SEPTIN6: variants seen among roughly 807,000 people sequenced by gnomAD.
The protein encoded by SEPTIN6 is septin 6.
Under a neutral mutation model 33.6 loss-of-function variants are expected in SEPTIN6, and 8 were observed. The ratio of observed to expected loss-of-function variants is 0.24; its 90% CI spans 0.14 to 0.43. The LOEUF (loss-of-function observed/expected upper bound fraction) is 0.43. SEPTIN6 is among the 20% of genes least tolerant of loss of function. SEPTIN6 has a pLI of 1.00. For synonymous variants in SEPTIN6, 131 were observed against 140.0 expected, an observed-to-expected ratio of 0.94 and a Z score of 0.45; for missense variants, 250 against 340.8, an observed-to-expected ratio of 0.73 and a Z score of 2.10.
At chrX:119,616,816 G>A, downstream of SEPTIN6, 1 of 1,072,811 alleles carries the variant, frequency 9.3e-7, no homozygotes, top group Non-Finnish European at 1.3e-6. Flanking sequence ...TAAGACAGGG[G>A]GAGGGGAATG....
intron 1 of SEPTIN6, among the ~76,000 whole-genome samples, chrX:119,679,904 C>A (rs2054919560): frequency 9.0e-6 from 1 of 111,102 alleles, no homozygotes; most frequent in African/African-American, 3.3e-5. Context: ...AAGGGATGAG[C>A]CTCAAGGAGT....
Position 119,617,990 on chromosome X carries a change from C to G in SEPTIN6, c.*2103G>C. ...GTTTGTAATGCAAATAATTACCGGG[C>G]GGCGGTGTGGGGAAGTGGTGGTTAC... On this transcript the variant is annotated 3_prime_UTR_variant, in exon 11 of 11. Transcript: ENST00000394610. 1.2e-6 allele frequency: 1 copy of G among 802,873 alleles called. No individual in the cohort carries two copies. The highest frequency in any genetic ancestry group is 1.5e-6 in the Non-Finnish European group (1 of 669,482). 66.2% of individuals were successfully genotyped at this position (802,873 alleles called of 1,213,427 possible). A position where few individuals can be genotyped will look rare whatever the true frequency, so the allele number is the denominator to read the frequency against.
intron 8 of SEPTIN6, among the ~76,000 whole-genome samples, chrX:119,632,259 G>A (rs1338490037): frequency 2.8e-5 from 3 of 108,081 alleles, no homozygotes; most frequent in African/African-American, 6.8e-5. Flanking sequence ...ACAGTGGCGC[G>A]ATCTCGGCTC....
chrX:119,656,541 A>C (rs920018132), intron 3 of SEPTIN6, among the ~76,000 whole-genome samples: 1 of 112,543 alleles, frequency 8.9e-6, no homozygotes, highest in African/African-American at 3.2e-5. Context: ...AATTATTCAC[A>C]GTAGCCCAAA....
intron 10 of SEPTIN6, chrX:119,624,144 G>GTTTTTTTTTTTTTTTTTT: frequency 4.7e-6 from 1 of 211,645 alleles, no homozygotes. Flanking sequence ...TTTATTATGG[G>GTTTTTTTTTTTTTTTTTT]TTTTTTTTTT....
At chrX:119,646,906 G>T (rs1190029289) in intron 5 of SEPTIN6, 3 of 161,563 alleles carry the variant, frequency 1.9e-5, no homozygotes, top group African/African-American at 9.4e-5. Flanking sequence ...TAGTTGTTCG[G>T]TGGCAGGCAG....
At chrX:119,686,489 C>T in intron 1 of SEPTIN6, 4 of 570,702 alleles carry the variant, frequency 7.0e-6, no homozygotes, top group South Asian at 2.4e-5. Context: ...GCTGAGAGCG[C>T]GCTGCATAAT....
At chrX:119,655,030 A>T (rs1319187244) in intron 3 of SEPTIN6, among the ~76,000 whole-genome samples, 1 of 109,554 alleles carries the variant, frequency 9.1e-6, no homozygotes, top group Admixed American at 9.8e-5. Context: ...CAATTACGTA[A>T]TTTTTTTTTA....
At chrX:119,652,007 C>A (rs2054359074) in intron 4 of SEPTIN6, among the ~76,000 whole-genome samples, 1 of 112,229 alleles carries the variant, frequency 8.9e-6, no homozygotes, top group African/African-American at 3.2e-5. Flanking sequence ...TCACTGCAAC[C>A]TCCGCTTCCA....
At chrX:119,616,590 G>A (rs768159308), downstream of SEPTIN6, 3 of 671,301 alleles carry the variant, frequency 4.5e-6, no homozygotes, top group Non-Finnish European at 7.2e-6. Flanking sequence ...AACACTTGTT[G>A]AGTGGTGTGG....
rs747287768 is a variant in SEPTIN6 at position 119,619,932 on chromosome X, AG to A, written c.*160del. On this transcript the variant is annotated 3_prime_UTR_variant, in exon 11 of 11. Transcript: ENST00000394610. Reference sequence around the variant, plus strand: ...TTCTCAGGTTTCTATAAACCTTGGCAGGAAGAGAGGAGAGGGCGCGGGTTGG... The same window carrying A: ...TTCTCAGGTTTCTATAAACCTTGGCAGAAGAGAGGAGAGGGCGCGGGTTGG... 3.5e-6 allele frequency: 4 copies of A among 1,158,533 alleles called. No individual in the cohort carries two copies. The highest frequency in any genetic ancestry group is 3.7e-5 in the African/African-American group (2 of 54,448).
chrX:119,622,994 T>G (rs2053795344), intron 10 of SEPTIN6, among the ~76,000 whole-genome samples: 1 of 112,213 alleles, frequency 8.9e-6, no homozygotes, highest in Non-Finnish European at 1.9e-5. Flanking sequence ...ATTGTTTCCT[T>G]TGGCCCGGTT....
chrX:119,621,800 TA>T (rs66515149), intron 10 of SEPTIN6, among the ~76,000 whole-genome samples: 24,325 of 87,272 alleles, frequency 0.28, 3,136 homozygotes, highest in East Asian at 0.71. Flanking sequence ...CCAACTCTCT[TA>T]AAAAAAAAAA....
intron 10 of SEPTIN6, among the ~76,000 whole-genome samples, chrX:119,621,593 G>A (rs2053766895): frequency 9.2e-6 from 1 of 108,289 alleles, no homozygotes; most frequent in African/African-American, 3.4e-5. Context: ...TGGGGTTCAA[G>A]CAATTCTCCT....
intron 3 of SEPTIN6, among the ~76,000 whole-genome samples, chrX:119,657,584 C>T (rs2147558905): frequency 9.0e-6 from 1 of 111,601 alleles, no homozygotes; most frequent in East Asian, 2.9e-4. Flanking sequence ...ATGATCATAG[C>T]TCACTGTGAC....
intron 6 of SEPTIN6, among the ~76,000 whole-genome samples, chrX:119,638,577 A>G (rs753882983): frequency 8.1e-5 from 9 of 111,730 alleles, no homozygotes; most frequent in Non-Finnish European, 1.7e-4. Context: ...GGTCAGCCAT[A>G]GTTGAAGCAG....
At chrX:119,628,647 A>G (rs1295156945) in intron 9 of SEPTIN6, among the ~76,000 whole-genome samples, 3 of 110,170 alleles carry the variant, frequency 2.7e-5, no homozygotes, top group African/African-American at 9.9e-5. Flanking sequence ...CTGGGACTAC[A>G]GGCACCCACC....
chrX:119,642,414 C>T (rs984110040), intron 5 of SEPTIN6, among the ~76,000 whole-genome samples: 3 of 110,415 alleles, frequency 2.7e-5, no homozygotes, highest in South Asian at 7.8e-4. Context: ...TGGTAAGTTG[C>T]CTTATTAGTC....
At chrX:119,688,710 GA>G (rs150477050) in intron 1 of SEPTIN6, among the ~76,000 whole-genome samples, 2,828 of 78,663 alleles carry the variant, frequency 0.036, 106 homozygotes, top group African/African-American at 0.11. Flanking sequence ...CCATCTCGGG[GA>G]AAAAAAAAAA....
Sources: gnomAD v4.1 joint callset for allele counts (sites outside exome capture counted in the v4.1 genomes callset) on GRCh38, gnomAD v4.1.1 for gene constraint, MANE v1.5 for transcripts, NCBI Gene and HGNC (gene_info 2026-07-23, HGNC 2026-07-21) for gene names.